Variants in RXRA observed in about 807,000 individuals in gnomAD.
RXRA encodes the protein retinoid X receptor alpha.
RXRA carries 5 observed loss-of-function variants against 44.5 expected under a neutral mutation model. The ratio of observed to expected loss-of-function variants is 0.11; its 90% CI spans 0.06 to 0.24. The LOEUF (loss-of-function observed/expected upper bound fraction) is 0.24, where lower values mean the gene tolerates loss of function less well. Ranked by LOEUF, RXRA falls within the 10% of genes least tolerant of loss-of-function variation. RXRA has a pLI of 1.00. For missense variants in RXRA, 412 were observed against 646.5 expected (o/e 0.64, Z 3.93); for synonymous variants, 291 against 271.4 (o/e 1.07, Z -0.71).
rs1019418533 is a variant in RXRA, at chr9:134,365,146, G to T, written c.29-36486G>T. Among the ~76,000 whole-genome samples, 1 of 152,240 alleles carries T rather than the reference G, an allele frequency of 6.6e-6. No homozygotes were observed. Among genetic ancestry groups the T allele is most frequent in the Admixed American group, 6.5e-5 (1 of 15,290 alleles). The stretch of plus-strand genomic sequence containing the variant: ...ATGGCTCCGGGGCCACCACAGAGGC[G>T]GCTGTTGCTGGAGGGCTGATGGCAC... On this transcript the variant is annotated intron_variant, in intron 1 of 9. Coordinates refer to ENST00000481739, the MANE Select transcript of RXRA (RefSeq NM_002957.6). The surrounding 1 kb of genome is among the most constrained non-coding windows in gnomAD (Gnocchi z 4.0).
At chr9:134,351,496 T>C (rs1276138077) in intron 1 of RXRA, among the ~76,000 whole-genome samples, 1 of 152,190 alleles carries the variant, frequency 6.6e-6, no homozygotes, top group East Asian at 1.9e-4. Flanking sequence ...GGAGCCCCAA[T>C]AGGGCAGGGA....
chr9:134,359,324 C>T (rs551582234), intron 1 of RXRA, among the ~76,000 whole-genome samples: 175 of 152,192 alleles, frequency 1.1e-3, no homozygotes, highest in African/African-American at 4.0e-3. Context: ...AAGTGGGCTT[C>T]GAAAGCTTTG....
intron 1 of RXRA, among the ~76,000 whole-genome samples, chr9:134,348,800 G>A (rs1830186364): frequency 1.0e-5 from 1 of 99,304 alleles, no homozygotes; most frequent in African/African-American, 6.0e-5. Flanking sequence ...AGACTTCCCG[G>A]ACGCTGGACG....
chr9:134,403,845 TG>T (rs1337637185), intron 2 of RXRA: 1 of 151,762 alleles, frequency 6.6e-6, no homozygotes, highest in Non-Finnish European at 1.5e-5. Context: ...GTCCCCGGGG[TG>T]GGTGTGGGTG....
In RXRA at chr9:134,407,745, A is replaced by G. The variant is rs964252713; in HGVS notation, c.280-404A>G. On this transcript the variant is annotated intron_variant, in intron 2 of 9. Coordinates refer to ENST00000481739, the MANE Select transcript of RXRA (RefSeq NM_002957.6). This position sits in a 1 kb window ranked among gnomAD's most constrained non-coding sequence, Gnocchi z 4.8. ...TCATGTGTGGGTTGGGACCCCCCAG[A>G]GTGCCTGCCTCATGGAGTGTCCGGG... Among the ~76,000 whole-genome samples, 9 of 152,098 alleles carry G rather than the reference A, an allele frequency of 5.9e-5. No individual in the cohort carries two copies. The highest frequency in any genetic ancestry group is 1.4e-4 in the African/African-American group (6 of 41,502).
intron 1 of RXRA, among the ~76,000 whole-genome samples, chr9:134,376,673 C>T (rs1490428012): frequency 8.6e-5 from 1 of 11,594 alleles, no homozygotes; most frequent in Non-Finnish European, 2.7e-4. Context: ...ATCTCGGGTG[C>T]TCAGCGCGTG....
intron 2 of RXRA, chr9:134,402,478 C>T (rs975661663): frequency 3.3e-5 from 5 of 152,742 alleles, no homozygotes; most frequent in Admixed American, 1.3e-4. Context: ...GAGGTTTGCT[C>T]AGTCGCTTCT....
At chr9:134,380,092 G>T (rs1830619362) in intron 1 of RXRA, 1 of 985,466 alleles carries the variant, frequency 1.0e-6, no homozygotes, top group African/African-American at 1.7e-5. Context: ...TGTTGTCGTG[G>T]TCAGTCGTGC....
chr9:134,377,752 C>CTG (rs1245152113), intron 1 of RXRA, among the ~76,000 whole-genome samples: 9 of 152,228 alleles, frequency 5.9e-5, no homozygotes, highest in Admixed American at 6.5e-5. Context: ...TTTCCACCGT[C>CTG]TGTGTGTGCG....
At chr9:134,421,589 G>A (rs1831331746) in intron 5 of RXRA, 87 bp from the exon 6 acceptor site, 3 of 1,443,130 alleles carry the variant, frequency 2.1e-6, no homozygotes, top group East Asian at 4.6e-5. Flanking sequence ...CATGGGCCCA[G>A]CGTGTGGCAG....
chr9:134,400,697 C>A, intron 1 of RXRA, among the ~76,000 whole-genome samples: 1 of 152,194 alleles, frequency 6.6e-6, no homozygotes, highest in East Asian at 1.9e-4. Flanking sequence ...AGGGGGGCAC[C>A]TCCTGAAGTG....
chr9:134,396,914 C>T (rs1014171848), intron 1 of RXRA, among the ~76,000 whole-genome samples: 2 of 152,240 alleles, frequency 1.3e-5, no homozygotes, highest in African/African-American at 4.8e-5. Context: ...GAGTTCCCCT[C>T]TCCAAGGGCC....
chr9:134,333,508 C>G (rs3818733), intron 1 of RXRA, among the ~76,000 whole-genome samples: 1 of 151,976 alleles, frequency 6.6e-6, no homozygotes, highest in African/African-American at 2.4e-5. Flanking sequence ...GAGCCTCTGG[C>G]GCTGAGGGGA....
chr9:134,429,847 C>T (rs1831501583), intron 7 of RXRA, among the ~76,000 whole-genome samples: 1 of 152,040 alleles, frequency 6.6e-6, no homozygotes, highest in African/African-American at 2.4e-5. Flanking sequence ...TCCGCTCTGC[C>T]AGGCGAGGCG....
intron 1 of RXRA, among the ~76,000 whole-genome samples, chr9:134,384,186 G>C (rs1002516780): frequency 3.3e-5 from 5 of 151,474 alleles, no homozygotes; most frequent in African/African-American, 1.2e-4. Context: ...GTGTCACCCC[G>C]GTTGGGGGGG....
Position 134,365,969 on chromosome 9 carries a change from C to T in RXRA, c.29-35663C>T, listed in dbSNP as rs148085601. On this transcript the variant is annotated intron_variant, in intron 1 of 9. Coordinates refer to ENST00000481739, the MANE Select transcript of RXRA (RefSeq NM_002957.6). The surrounding 1 kb of genome is among the most constrained non-coding windows in gnomAD (Gnocchi z 4.0). Reference sequence around the variant, plus strand: ...CCAGTCAGGCGTCCGCTGAGCGACCCCTAGGAGCCGCCTGTCTTTGCAGGA... The same window carrying T: ...CCAGTCAGGCGTCCGCTGAGCGACCTCTAGGAGCCGCCTGTCTTTGCAGGA... 1.3e-5 allele frequency among the ~76,000 whole-genome samples: 2 copies of T among 152,204 alleles called. No homozygotes were observed. The highest frequency in any genetic ancestry group is 2.9e-5 in the Non-Finnish European group (2 of 67,994).
rs1554748272 is a variant in RXRA at position 134,342,922 on chromosome 9, C to T, written c.28+16263C>T. Reference sequence around the variant, plus strand: ...GGTGGCATGACTGCGGATGCAGGCACGTGTGGGTGCTGGGGATTGTCTGGT... The same window carrying T: ...GGTGGCATGACTGCGGATGCAGGCATGTGTGGGTGCTGGGGATTGTCTGGT... On this transcript the variant is annotated intron_variant, in intron 1 of 9. Coordinates refer to ENST00000481739, the MANE Select transcript of RXRA (RefSeq NM_002957.6). The surrounding 1 kb of genome is among the most constrained non-coding windows in gnomAD (Gnocchi z 4.4). 6.6e-6 allele frequency among the ~76,000 whole-genome samples: 1 copy of T among 152,140 alleles called. No homozygotes were observed. Among genetic ancestry groups the T allele is most frequent in the East Asian group, 1.9e-4 (1 of 5,172 alleles).
At chr9:134,424,889 GGCCCCGCCCA>G (rs1419106316) in intron 6 of RXRA, 48 of 985,324 alleles carry the variant, frequency 4.9e-5, no homozygotes, top group Non-Finnish European at 5.8e-5. Context: ...GCAGAGGTGA[GGCCCCGCCCA>G]GCTCCGGCAG....
At chr9:134,389,283 G>A (rs1176381117) in intron 1 of RXRA, among the ~76,000 whole-genome samples, 2 of 152,210 alleles carry the variant, frequency 1.3e-5, no homozygotes, top group Non-Finnish European at 2.9e-5. Context: ...GTGGGCGCTG[G>A]CTTTGGTCAC....
Sources: allele counts gnomAD v4.1 joint callset (sites outside exome capture counted in the v4.1 genomes callset), GRCh38; gene constraint gnomAD v4.1.1; non-coding constraint Gnocchi (gnomAD v3.1); transcripts MANE v1.5; gene names NCBI Gene and HGNC (gene_info 2026-07-23, HGNC 2026-07-21).